The following SLC1A4 variants were observed in gnomAD, a reference collection of about 807,000 sequenced individuals.
SLC1A4 encodes neutral amino acid transporter A.
SLC1A4 carries 19 observed loss-of-function variants against 37.7 expected under a neutral mutation model. The observed-to-expected ratio is 0.50, with a 90% confidence interval of 0.35 to 0.74. The LOEUF is 0.74. SLC1A4 is among the 30% of genes least tolerant of loss of function. SLC1A4 has a pLI of 0.01. For missense variants in SLC1A4, 570 were observed against 712.9 expected (o/e 0.80, Z 2.28); for synonymous variants, 299 against 309.8 (o/e 0.97, Z 0.37).
rs768668292 is a variant in SLC1A4, at chr2:65,018,152, C to T, written c.1116C>T (p.Pro372=). The T allele has an allele frequency of 4.3e-6, 7 of 1,614,056 alleles. No homozygotes were observed. In the East Asian group the frequency reaches 1.6e-4, roughly 36 times the overall value. ...AGAGGATCAGCAGGTTTATTCTCCC[C>T]ATCGGGGCCACCGTGAACATGGACG... is the stretch of plus-strand genomic sequence containing the variant. The part of the protein sequence containing the change: ...VDKRISRFIL[P]IGATVNMDGA... Residue 372 remains proline, a synonymous_variant, in exon 6 of 8, where the codon CCC becomes CCT. Transcript: ENST00000234256. The surrounding 1 kb of genome is among the most constrained non-coding windows in gnomAD (Gnocchi z 4.3).
At position 65,021,427 on chromosome 2, in the gene SLC1A4, C is replaced by G; in HGVS notation, c.*281C>G. ...GTTTGGAAACAACCCCTTGAGCTGCCAGGCTCAAGAAATCATGGACTCACA... is the reference window on the plus strand; with the variant it reads ...GTTTGGAAACAACCCCTTGAGCTGCGAGGCTCAAGAAATCATGGACTCACA... On this transcript the variant is annotated 3_prime_UTR_variant, in exon 8 of 8. Transcript: ENST00000234256. 3 of 446,174 alleles carry G rather than the reference C, an allele frequency of 6.7e-6. No homozygotes were observed. Among genetic ancestry groups the G allele is most frequent in the Non-Finnish European group, 8.1e-6 (2 of 247,252 alleles). 27.6% of individuals were successfully genotyped at this position (446,174 alleles called of 1,614,324 possible). A position where few individuals can be genotyped will look rare whatever the true frequency, so the allele number is the denominator to read the frequency against.
chr2:65,018,811 C>A lies in SLC1A4; in HGVS notation c.1364+132C>A. 2.9e-6 allele frequency: 3 copies of A among 1,021,278 alleles called. No individual in the cohort carries two copies. The highest frequency in any genetic ancestry group is 4.3e-6 in the Non-Finnish European group (3 of 699,142). The allele number at this position is 1,021,278 out of a possible 1,614,324, so 63.3% of individuals were successfully genotyped here. On this transcript the variant is annotated intron_variant, in intron 7 of 7. Coordinates refer to ENST00000234256, the MANE Select transcript of SLC1A4 (RefSeq NM_003038.5). The surrounding 1 kb of genome is among the most constrained non-coding windows in gnomAD (Gnocchi z 4.3). ...CCTTGTGAAGGAGGCTACAGTGGAG[C>A]TAAAAGGGCAAGATTTAGAGCTAGG...
Position 65,018,746 on chromosome 2 carries a change from T to A in SLC1A4, c.1364+67T>A, listed in dbSNP as rs1280210752. On this transcript the variant is annotated intron_variant, in intron 7 of 7. Transcript: ENST00000234256. The surrounding 1 kb of genome is among the most constrained non-coding windows in gnomAD (Gnocchi z 4.3). ...GAGTTCCCTAGGAGCTTAGCACTGC[T>A]GGGCCTGGGCCATGCAGAGAAACTT... The A allele has an allele frequency of 3.2e-6, 5 of 1,561,968 alleles. No homozygotes were observed. Among genetic ancestry groups the A allele is most frequent in the Admixed American group, 1.7e-5 (1 of 57,456 alleles).
In SLC1A4 at chr2:64,989,793, C is replaced by T; in HGVS notation, c.150C>T (p.Ser50=). Residue 50 remains serine, a synonymous_variant, in exon 1 of 8, where the codon TCC becomes TCT. Coordinates refer to ENST00000234256, the MANE Select transcript of SLC1A4 (RefSeq NM_003038.5). Reference sequence around the variant, plus strand: ...AAGCGCTGGTGCTGCTCACCGTGTCCGGGGTGCTGGCGGGCGCGGGCCTGG... The same window carrying T: ...AAGCGCTGGTGCTGCTCACCGTGTCTGGGGTGCTGGCGGGCGCGGGCCTGG... ...RRQALVLLTV[S]GVLAGAGLGA... 2 of 1,514,880 alleles carry T rather than the reference C, an allele frequency of 1.3e-6. No individual in the cohort carries two copies. Among genetic ancestry groups the T allele is most frequent in the Non-Finnish European group, 1.8e-6 (2 of 1,135,940 alleles). The allele number at this position is 1,514,880 out of a possible 1,614,324, so 93.8% of individuals were successfully genotyped here. A position where few individuals can be genotyped will look rare whatever the true frequency, so the allele number is the denominator to read the frequency against.
intron 1 of SLC1A4, among the ~76,000 whole-genome samples, chr2:64,991,546 G>C (rs573034401): frequency 6.6e-6 from 1 of 151,510 alleles, no homozygotes; most frequent in African/African-American, 2.4e-5. Context: ...TCCTGCCTCA[G>C]TCTCCAGAGT....
At chr2:65,007,016 G>A (rs1006412248) in intron 3 of SLC1A4, among the ~76,000 whole-genome samples, 4 of 152,136 alleles carry the variant, frequency 2.6e-5, no homozygotes, top group African/African-American at 9.7e-5. Flanking sequence ...TTGATCCCAC[G>A]TAATAACTTG....
In SLC1A4 at chr2:65,018,580, G is replaced by A. The variant is rs1342683008; in HGVS notation, c.1265G>A (p.Gly422Asp). ...TATASSVGAAGVPAGGVLTIA... is the reference protein window; with the variant it reads ...TATASSVGAADVPAGGVLTIA... The stretch of plus-strand genomic sequence containing the variant: ...ACAGCGTCCAGTGTTGGAGCAGCAG[G>A]CGTGCCAGCTGGAGGGGTCCTCACC... Residue 422 changes from glycine to aspartate, a missense_variant, in exon 7 of 8, where the codon GGC becomes GAC. Physicochemically the swap from Gly to Asp is moderately conservative, Grantham distance 94. Coordinates refer to ENST00000234256, the MANE Select transcript of SLC1A4 (RefSeq NM_003038.5). The surrounding 1 kb of genome is among the most constrained non-coding windows in gnomAD (Gnocchi z 4.3). 1.2e-6 allele frequency: 2 copies of A among 1,614,126 alleles called. No homozygotes were observed. The highest frequency in any genetic ancestry group is 1.7e-6 in the Non-Finnish European group (2 of 1,180,052).
chr2:64,995,928 T>C (rs1673236736), intron 1 of SLC1A4, among the ~76,000 whole-genome samples: 1 of 152,238 alleles, frequency 6.6e-6, no homozygotes, highest in South Asian at 2.1e-4. Context: ...TTTCACTGTG[T>C]GAGCTGCATG....
chr2:65,017,161 A>C (rs188981262), intron 5 of SLC1A4, among the ~76,000 whole-genome samples: 162 of 152,264 alleles, frequency 1.1e-3, no homozygotes, highest in African/African-American at 3.8e-3. Flanking sequence ...CCTAACTCAA[A>C]AATGCATTGC....
Position 65,018,185 on chromosome 2 carries a change from C to A in SLC1A4, c.1149C>A (p.Ala383=). 1 of 1,614,202 alleles carries A rather than the reference C, an allele frequency of 6.2e-7. No individual in the cohort carries two copies. Reference sequence around the variant, plus strand: ...CCACCGTGAACATGGACGGAGCAGCCATCTTCCAGTGTGTGGCCGCGGTGT... The same window carrying A: ...CCACCGTGAACATGGACGGAGCAGCAATCTTCCAGTGTGTGGCCGCGGTGT... ...IGATVNMDGA[A]IFQCVAAVFI... is the part of the protein sequence containing the mutation. Residue 383 remains alanine, a synonymous_variant, in exon 6 of 8, where the codon GCC becomes GCA. Coordinates refer to ENST00000234256, the MANE Select transcript of SLC1A4 (RefSeq NM_003038.5). The surrounding 1 kb of genome is among the most constrained non-coding windows in gnomAD (Gnocchi z 4.3).
intron 4 of SLC1A4, among the ~76,000 whole-genome samples, chr2:65,012,161 C>T (rs1325234141): frequency 2.7e-5 from 4 of 149,598 alleles, no homozygotes; most frequent in Non-Finnish European, 5.9e-5. Context: ...GCAATCTCGG[C>T]TCACTGCAAG....
intron 1 of SLC1A4, among the ~76,000 whole-genome samples, chr2:64,997,324 AAT>A (rs1473448915): frequency 6.6e-6 from 1 of 152,232 alleles, no homozygotes; most frequent in Admixed American, 6.5e-5. Flanking sequence ...GTTTTTAAAC[AAT>A]TTCAAGGTAG....
In SLC1A4 at chr2:65,022,539, GTTC is replaced by G. The variant is rs1011498415; in HGVS notation, c.*1399_*1401del. On this transcript the variant is annotated 3_prime_UTR_variant, in exon 8 of 8. Transcript: ENST00000234256. ...TGGATATCAAGTGCTAACCCAGTAT[GTTC>G]TTCTTTTTTATGTAAGGGACAGCTT... 6.9e-5 allele frequency: 9 copies of G among 131,236 alleles called. No homozygotes were observed. Among genetic ancestry groups the G allele is most frequent in the South Asian group, 2.4e-4 (1 of 4,220 alleles). 8.1% of individuals were successfully genotyped at this position (131,236 alleles called of 1,614,324 possible). A position where few individuals can be genotyped will look rare whatever the true frequency, so the allele number is the denominator to read the frequency against.
In SLC1A4 at chr2:64,989,588, C is replaced by G. The variant is rs1672959775; in HGVS notation, c.-56C>G. 1 of 1,388,252 alleles carries G rather than the reference C, an allele frequency of 7.2e-7. No individual in the cohort carries two copies. The highest frequency in any genetic ancestry group is 9.4e-7 in the Non-Finnish European group (1 of 1,067,970). 86.0% of individuals were successfully genotyped at this position (1,388,252 alleles called of 1,614,324 possible). ...CCGACCCATTCATTGGGAACCCCGT[C>G]TTTTGCCAGAGCCCACGTCCCCTGC... On this transcript the variant is annotated 5_prime_UTR_variant, in exon 1 of 8. Coordinates refer to ENST00000234256, the MANE Select transcript of SLC1A4 (RefSeq NM_003038.5).
At chr2:65,004,819 C>T (rs916368351) in intron 3 of SLC1A4, among the ~76,000 whole-genome samples, 45 of 152,078 alleles carry the variant, frequency 3.0e-4, no homozygotes, top group African/African-American at 1.1e-3. Flanking sequence ...GATTTAAAAG[C>T]AGTGAGATAG....
At chr2:65,007,024 T>C (rs1342719962) in intron 3 of SLC1A4, among the ~76,000 whole-genome samples, 1 of 152,182 alleles carries the variant, frequency 6.6e-6, no homozygotes, top group Non-Finnish European at 1.5e-5. Context: ...ACGTAATAAC[T>C]TGCCACAGAC....
chr2:64,990,277 C>G, intron 1 of SLC1A4, 107 bp downstream of exon 1: 3 of 1,087,780 alleles, frequency 2.8e-6, no homozygotes, highest in Non-Finnish European at 3.8e-6. Context: ...TAATTCTTAG[C>G]TGGCTGCTGG....
intron 1 of SLC1A4, among the ~76,000 whole-genome samples, chr2:64,997,565 A>G (rs1426672028): frequency 6.6e-6 from 1 of 152,218 alleles, no homozygotes; most frequent in Non-Finnish European, 1.5e-5. Context: ...AGAATCATTC[A>G]GTATGCACTC....
rs140601248 is a variant in SLC1A4, at chr2:65,003,671, G to A, written c.571-282G>A. On this transcript the variant is annotated intron_variant, in intron 2 of 7. Transcript: ENST00000234256. The stretch of plus-strand genomic sequence containing the variant: ...ATTATCAGCATAAAATTGTGCAGCC[G>A]TCCTTCTCCAAACCATTGCCCAAAG... Among the ~76,000 whole-genome samples the A allele has an allele frequency of 4.6e-5, 7 of 152,320 alleles. No individual in the cohort carries two copies. The East Asian group carries it at 7.7e-4, about 17-fold the overall frequency.
Sources: gnomAD v4.1 joint callset for allele counts (sites outside exome capture counted in the v4.1 genomes callset) on GRCh38, gnomAD v4.1.1 for gene constraint, Gnocchi (gnomAD v3.1) non-coding constraint, MANE v1.5 for transcripts, NCBI Gene and HGNC (gene_info 2026-07-23, HGNC 2026-07-21) for gene names.